ATP4A: variants seen among roughly 807,000 people sequenced by gnomAD.
ATP4A encodes potassium-transporting ATPase alpha chain 1.
A neutral mutation model predicts 112.1 loss-of-function variants in ATP4A; 73 were observed. That is an observed-to-expected ratio of 0.65 (90% confidence interval 0.54 to 0.79). The LOEUF (loss-of-function observed/expected upper bound fraction) is 0.79. Ranked by LOEUF, ATP4A falls within the 30% of genes least tolerant of loss-of-function variation. ATP4A has a pLI of 0.00. For synonymous variants in ATP4A, 588 were observed against 588.9 expected, an observed-to-expected ratio of 1.00 and a Z score of 0.02; for missense variants, 1,081 against 1,425.9, an observed-to-expected ratio of 0.76 and a Z score of 3.90.
chr19:35,561,665 C>T (rs776764187), intron 4 of ATP4A, among the ~76,000 whole-genome samples: 3 of 151,944 alleles, frequency 2.0e-5, no homozygotes, highest in South Asian at 2.1e-4. Flanking sequence ...TTGCCCTGCA[C>T]CTCCATTTCC....
Position 35,558,881 on chromosome 19 carries a change from G to C in ATP4A, c.1255+112C>G. 1.4e-6 allele frequency: 2 copies of C among 1,401,186 alleles called. No individual in the cohort carries two copies. Among genetic ancestry groups the C allele is most frequent in the South Asian group, 1.3e-5 (1 of 77,978 alleles). 86.8% of individuals were successfully genotyped at this position (1,401,186 alleles called of 1,614,324 possible). A position where few individuals can be genotyped will look rare whatever the true frequency, so the allele number is the denominator to read the frequency against. On this transcript the variant is annotated intron_variant, in intron 8 of 21. Transcript: ENST00000262623. This position sits in a 1 kb window ranked among gnomAD's most constrained non-coding sequence, Gnocchi z 5.1. ...GGTAGCGAGTCTCCTTTGAGACCTG[G>C]AGCCGAGCCGCCCCGCCTTCGTACA...
rs780384642 is a variant in ATP4A at position 35,556,917 on chromosome 19, A to G, written c.1865T>C (p.Ile622Thr). 6.2e-7 allele frequency: 1 copy of G among 1,613,542 alleles called. No homozygotes were observed. Among genetic ancestry groups the G allele is most frequent in the South Asian group, 1.1e-5 (1 of 91,066 alleles). ...DAVLKCRTAG[I>T]RVIMVTGDHP... Reference sequence around the variant, plus strand: ...TTCCTCCCCACAGTGGCATACCCGGATGCCTGCGGTGCGACACTTGAGCAC... The same window carrying G: ...TTCCTCCCCACAGTGGCATACCCGGGTGCCTGCGGTGCGACACTTGAGCAC... Residue 622 changes from isoleucine (I) to threonine (T), a missense_variant, in exon 12 of 22, where the codon ATC (isoleucine) becomes ACC (threonine). Physicochemically the swap from Ile to Thr is moderately conservative, Grantham distance 89. Coordinates refer to ENST00000262623, the MANE Select transcript of ATP4A (RefSeq NM_000704.3).
Position 35,560,738 on chromosome 19 carries a change from G to C in ATP4A, c.534+81C>G. 2 of 1,575,976 alleles carry C rather than the reference G, an allele frequency of 1.3e-6. No individual in the cohort carries two copies. The highest frequency in any genetic ancestry group is 1.7e-6 in the Non-Finnish European group (2 of 1,146,228). On this transcript the variant is annotated intron_variant, in intron 5 of 21. Coordinates refer to ENST00000262623, the MANE Select transcript of ATP4A (RefSeq NM_000704.3). The surrounding 1 kb of genome is among the most constrained non-coding windows in gnomAD (Gnocchi z 5.1). ...GGAGAGATGGAGGCCACAGATGAGG[G>C]ACAGGGGCCTGATGGAAGGAGGCTA...
At position 35,558,806 on chromosome 19, in the gene ATP4A, CACCCAACCCTGAGGG is replaced by C; in HGVS notation, c.1256-135_1256-121del. ...CCCAGACCTGGGTGGAATTGGGTTC[CACCCAACCCTGAGGG>C]ACCCAGCCCCCGGATGACCCTTCCC... On this transcript the variant is annotated intron_variant, in intron 8 of 21. Transcript: ENST00000262623. The surrounding 1 kb of genome is among the most constrained non-coding windows in gnomAD (Gnocchi z 5.1). The C allele has an allele frequency of 7.8e-7, 1 of 1,285,820 alleles. No homozygotes were observed. The highest frequency in any genetic ancestry group is 1.5e-5 in the African/African-American group (1 of 67,418). 79.7% of individuals were successfully genotyped at this position (1,285,820 alleles called of 1,614,324 possible). A position where few individuals can be genotyped will look rare whatever the true frequency, so the allele number is the denominator to read the frequency against.
rs1599573920 is a variant in ATP4A at position 35,559,054 on chromosome 19, A to C, written c.1194T>G (p.Thr398=). The C allele has an allele frequency of 3.1e-6, 5 of 1,614,182 alleles. No individual in the cohort carries two copies. The highest frequency in any genetic ancestry group is 4.2e-6 in the Non-Finnish European group (5 of 1,180,024). Residue 398 remains threonine (T), a synonymous_variant, in exon 8 of 22, where the codon ACT becomes ACG. Coordinates refer to ENST00000262623, the MANE Select transcript of ATP4A (RefSeq NM_000704.3). This position sits in a 1 kb window ranked among gnomAD's most constrained non-coding sequence, Gnocchi z 4.1. ...KTGTLTQNRM[T]VSHLWFDNHI... is the part of the protein sequence containing the mutation. ...GGTTGTCAAACCACAGATGGGACAC[A>C]GTCATGCGGTTCTGAGTGAGAGTCC... is the stretch of plus-strand genomic sequence containing the variant.
Position 35,550,763 on chromosome 19 carries a change from G to A in ATP4A, c.3079+71C>T. On this transcript the variant is annotated intron_variant, in intron 21 of 21. Coordinates refer to ENST00000262623, the MANE Select transcript of ATP4A (RefSeq NM_000704.3). The surrounding 1 kb of genome is among the most constrained non-coding windows in gnomAD (Gnocchi z 4.1). ...CAAGGGCTTAGAGGCCAAGTGTTGA[G>A]GATCAAAGGTGGGTGCAGCTGCTCA... is the stretch of plus-strand genomic sequence containing the variant. The A allele has an allele frequency of 1.2e-6, 2 of 1,608,514 alleles. No individual in the cohort carries two copies. Among genetic ancestry groups the A allele is most frequent in the Non-Finnish European group, 1.7e-6 (2 of 1,175,076 alleles).
Position 35,558,421 on chromosome 19 carries a change from A to G in ATP4A, c.1441T>C (p.Tyr481His), listed in dbSNP as rs760804873. The G allele has an allele frequency of 1.2e-6, 2 of 1,609,850 alleles. No homozygotes were observed. The highest frequency in any genetic ancestry group is 2.2e-5 in the South Asian group (2 of 90,202). ...CAGACTTTTGGGAAGCGGTCCCGGT[A>G]GCCCATGGCGTTGCCCAGCGTCAGC... Reference protein sequence around the residue: ...SELTLGNAMGYRDRFPKVCEI... With the variant: ...SELTLGNAMGHRDRFPKVCEI... The change falls in exon 10 of 22, where the codon TAC becomes CAC. Residue 481 changes from tyrosine (Y) to histidine (H), a missense_variant. By Grantham distance (83) the Tyr-to-His change is moderately conservative. This residue lies in a region of ATP4A where 850 missense variants were observed against 1,068.2 expected (regional missense o/e 0.80). Transcript: ENST00000262623. This position sits in a 1 kb window ranked among gnomAD's most constrained non-coding sequence, Gnocchi z 5.1.
Position 35,559,748 on chromosome 19 carries a change from G to T in ATP4A, c.1056+57C>A. The T allele has an allele frequency of 6.3e-7, 1 of 1,587,934 alleles. No individual in the cohort carries two copies. Among genetic ancestry groups the T allele is most frequent in the Non-Finnish European group, 8.6e-7 (1 of 1,165,978 alleles). On this transcript the variant is annotated intron_variant, in intron 7 of 21. Transcript: ENST00000262623. This position sits in a 1 kb window ranked among gnomAD's most constrained non-coding sequence, Gnocchi z 4.1. ...GGTGATGGGGGAAATGTGGAGGAAA[G>T]AACAGATGGTTGAGCAGGCCCCTCA...
Position 35,558,278 on chromosome 19 carries a change from C to T in ATP4A, c.1500+84G>A, listed in dbSNP as rs2071644648. 1 of 1,491,510 alleles carries T rather than the reference C, an allele frequency of 6.7e-7. No homozygotes were observed. The highest frequency in any genetic ancestry group is 9.0e-7 in the Non-Finnish European group (1 of 1,111,340). The allele number at this position is 1,491,510 out of a possible 1,614,324, so 92.4% of individuals were successfully genotyped here. On this transcript the variant is annotated intron_variant, in intron 10 of 21. Transcript: ENST00000262623. The surrounding 1 kb of genome is among the most constrained non-coding windows in gnomAD (Gnocchi z 5.1). Reference sequence around the variant, plus strand: ...GAGAGAAGGGGCAAGGAGCGAAGCCCCTCGTGGCCCGCTGATGTGGGTGTG... The same window carrying T: ...GAGAGAAGGGGCAAGGAGCGAAGCCTCTCGTGGCCCGCTGATGTGGGTGTG...
At position 35,559,687 on chromosome 19, in the gene ATP4A, G is replaced by C. The variant is rs1229568986; in HGVS notation, c.1056+118C>G. 2 of 1,431,974 alleles carry C rather than the reference G, an allele frequency of 1.4e-6. No homozygotes were observed. Among genetic ancestry groups the C allele is most frequent in the African/African-American group, 2.9e-5 (2 of 70,008 alleles). The allele number at this position is 1,431,974 out of a possible 1,614,324, so 88.7% of individuals were successfully genotyped here. ...GTGGATGATGGGAAGGCAGGAGAAT[G>C]GATGGGAGCTAAGTGGACAGATAGA... On this transcript the variant is annotated intron_variant, in intron 7 of 21. Transcript: ENST00000262623. The surrounding 1 kb of genome is among the most constrained non-coding windows in gnomAD (Gnocchi z 4.1).
Position 35,559,123 on chromosome 19 carries a change from C to T in ATP4A, c.1125G>A (p.Val375=). ...KNCVVKNLEA[V]ETLGSTSVIC... The stretch of plus-strand genomic sequence containing the variant: ...TCACCGAAGTGGAGCCCAATGTCTC[C>T]ACCGCCTCCAGGTTCTTGACCACGC... Residue 375 remains valine, a synonymous_variant, in exon 8 of 22, where the codon GTG becomes GTA. Coordinates refer to ENST00000262623, the MANE Select transcript of ATP4A (RefSeq NM_000704.3). This position sits in a 1 kb window ranked among gnomAD's most constrained non-coding sequence, Gnocchi z 4.1. 2 of 1,614,182 alleles carry T rather than the reference C, an allele frequency of 1.2e-6. No individual in the cohort carries two copies. Among genetic ancestry groups the T allele is most frequent in the African/African-American group, 1.3e-5 (1 of 75,042 alleles).
At chr19:35,561,455 G>T (rs895490696) in intron 4 of ATP4A, among the ~76,000 whole-genome samples, 5 of 151,880 alleles carry the variant, frequency 3.3e-5, no homozygotes, top group African/African-American at 1.2e-4. Context: ...GACCTTGTAC[G>T]TCATGGTCTG....
In ATP4A at chr19:35,555,634, C is replaced by T. The variant is rs749198983; in HGVS notation, c.2006+42G>A. ...GACCTCGCTGGGACCTCGGTCTGTG[C>T]CAGATGTGGGGAGAACCCCGGGGAG... On this transcript the variant is annotated intron_variant, in intron 13 of 21. Coordinates refer to ENST00000262623, the MANE Select transcript of ATP4A (RefSeq NM_000704.3). This position sits in a 1 kb window ranked among gnomAD's most constrained non-coding sequence, Gnocchi z 6.6. 1.3e-6 allele frequency: 2 copies of T among 1,584,282 alleles called. No homozygotes were observed. The highest frequency in any genetic ancestry group is 1.7e-6 in the Non-Finnish European group (2 of 1,158,510).
rs764843139 is a variant in ATP4A, at chr19:35,555,873, C to T, written c.1870-61G>A. The T allele has an allele frequency of 4.5e-6, 7 of 1,544,118 alleles. No homozygotes were observed. The highest frequency in any genetic ancestry group is 1.4e-5 in the African/African-American group (1 of 73,746). ...GATCAGCCCAATCTCCCTGTCCTCC[C>T]TGGGAGACATCTGCTGATACACGTG... On this transcript the variant is annotated intron_variant, in intron 12 of 21. Coordinates refer to ENST00000262623, the MANE Select transcript of ATP4A (RefSeq NM_000704.3). This position sits in a 1 kb window ranked among gnomAD's most constrained non-coding sequence, Gnocchi z 6.6.
chr19:35,553,688 C>G lies in ATP4A; in HGVS notation c.2605+18G>C, dbSNP rs755863104. 1 of 1,611,738 alleles carries G rather than the reference C, an allele frequency of 6.2e-7. No individual in the cohort carries two copies. The highest frequency in any genetic ancestry group is 1.7e-5 in the Admixed American group (1 of 59,898). ...CAGAGCCCCCCACCTCCAGGCTCCC[C>G]GGCCCACGGGCACCCACCAATCTGG... On this transcript the variant is annotated intron_variant, in intron 17 of 21. Transcript: ENST00000262623.
rs981302194 is a variant in ATP4A, at chr19:35,555,896, G to A, written c.1870-84C>T. On this transcript the variant is annotated intron_variant, in intron 12 of 21. Transcript: ENST00000262623. The surrounding 1 kb of genome is among the most constrained non-coding windows in gnomAD (Gnocchi z 6.6). Reference sequence around the variant, plus strand: ...CCCTGGGAGACATCTGCTGATACACGTGTTCATTTACTTGACCAAGCGTGA... The same window carrying A: ...CCCTGGGAGACATCTGCTGATACACATGTTCATTTACTTGACCAAGCGTGA... 19 of 1,513,324 alleles carry A rather than the reference G, an allele frequency of 1.3e-5. No homozygotes were observed. In the East Asian group the frequency reaches 2.1e-4, roughly 16 times the overall value. 93.7% of individuals were successfully genotyped at this position (1,513,324 alleles called of 1,614,324 possible).
intron 2 of ATP4A, 57 bp downstream of exon 2, chr19:35,563,327 C>T: frequency 2.5e-6 from 4 of 1,613,362 alleles, no homozygotes; most frequent in East Asian, 2.2e-5. Flanking sequence ...CCTCCCCGCC[C>T]ACTGCCTGGT....
intron 18 of ATP4A, among the ~76,000 whole-genome samples, chr19:35,552,245 C>T (rs748461104): frequency 2.0e-5 from 3 of 152,180 alleles, no homozygotes; most frequent in Non-Finnish European, 2.9e-5. Context: ...CTGTGGGGAT[C>T]ACTGACTGCT....
intron 17 of ATP4A, 118 bp downstream of exon 17, chr19:35,553,588 G>C: frequency 7.0e-7 from 1 of 1,432,598 alleles, no homozygotes. Flanking sequence ...GGAGACCCAG[G>C]ACCAAATGCA....
Sources: gnomAD v4.1 joint callset for allele counts (sites outside exome capture counted in the v4.1 genomes callset) on GRCh38, gnomAD v4.1.1 for gene constraint, gnomAD v4.1.1 regional missense constraint, Gnocchi (gnomAD v3.1) non-coding constraint, MANE v1.5 for transcripts, NCBI Gene and HGNC (gene_info 2026-07-23, HGNC 2026-07-21) for gene names.